ZNF277: variants seen among roughly 807,000 people sequenced by gnomAD.
ZNF277 encodes the protein zinc finger protein 277.
A neutral mutation model predicts 60.7 loss-of-function variants in ZNF277; 55 were observed. That is an observed-to-expected ratio of 0.91 (90% CI 0.73 to 1.13). ZNF277 has a LOEUF of 1.13. ZNF277 is among the 50% of genes most tolerant of loss of function. The pLI, the probability that ZNF277 is intolerant of heterozygous loss-of-function variation, is 0.00. For synonymous variants in ZNF277, 178 were observed against 179.3 expected (o/e 0.99, Z 0.06); for missense variants, 510 against 523.0 (o/e 0.98, Z 0.24).
At chr7:112,223,317 T>A (rs917178284) in intron 1 of ZNF277, among the ~76,000 whole-genome samples, 1 of 152,172 alleles carries the variant, frequency 6.6e-6, no homozygotes, top group African/African-American at 2.4e-5. Context: ...TGTGTCTCCC[T>A]CTGTGTCTTT....
At chr7:112,334,236 G>GT (rs1284656099) in intron 7 of ZNF277, among the ~76,000 whole-genome samples, 1 of 151,978 alleles carries the variant, frequency 6.6e-6, no homozygotes, top group Non-Finnish European at 1.5e-5. Context: ...TTTTTTCCAT[G>GT]TTTTTTTCCA....
chr7:112,333,188 T>G (rs1162968916), intron 7 of ZNF277, among the ~76,000 whole-genome samples: 1 of 152,080 alleles, frequency 6.6e-6, no homozygotes, highest in African/African-American at 2.4e-5. Flanking sequence ...TTGTTATCCC[T>G]CTGAGGGAAA....
rs1400726695 is a variant in ZNF277 at position 112,234,825 on chromosome 7, C to T, written c.91+28018C>T. ...TTAATATCCACTTATATCTAATTTTCATGTTTGTTGTAAGGAAAGCTGAGC... is the reference window on the plus strand; with the variant it reads ...TTAATATCCACTTATATCTAATTTTTATGTTTGTTGTAAGGAAAGCTGAGC... On this transcript the variant is annotated intron_variant, in intron 1 of 11. Transcript: ENST00000361822. Among the ~76,000 whole-genome samples the T allele has an allele frequency of 8.6e-5, 13 of 151,678 alleles. No homozygotes were observed. The South Asian group carries it at 2.7e-3, about 31-fold the overall frequency.
chr7:112,291,962 A>G (rs987345253), intron 2 of ZNF277, among the ~76,000 whole-genome samples: 1 of 152,012 alleles, frequency 6.6e-6, no homozygotes, highest in South Asian at 2.1e-4. Context: ...GTTGTCACCC[A>G]AGTTTTGGTT....
intron 1 of ZNF277, among the ~76,000 whole-genome samples, chr7:112,237,625 A>G (rs1464643172): frequency 6.6e-6 from 1 of 152,258 alleles, no homozygotes; most frequent in South Asian, 2.1e-4. Flanking sequence ...TTCTAAAAAC[A>G]TACAACCTCC....
intron 5 of ZNF277, among the ~76,000 whole-genome samples, chr7:112,322,043 A>T (rs1792995392): frequency 1.3e-5 from 2 of 152,124 alleles, no homozygotes; most frequent in South Asian, 4.1e-4. Flanking sequence ...GAACAAAAAA[A>T]AATAAACAGC....
intron 1 of ZNF277, among the ~76,000 whole-genome samples, chr7:112,221,699 A>G (rs1822035832): frequency 6.6e-6 from 1 of 152,140 alleles, no homozygotes; most frequent in Non-Finnish European, 1.5e-5. Context: ...CCTTGCATGC[A>G]CAGTTCACAG....
chr7:112,339,837 T>A lies in ZNF277; in HGVS notation c.967-6T>A. On this transcript the variant is annotated splice_polypyrimidine_tract_variant and splice_region_variant and intron_variant, in intron 9 of 11. Coordinates refer to ENST00000361822, the MANE Select transcript of ZNF277 (RefSeq NM_021994.3). ...ATGCTTACAGATGTATTCATTCCTTTTTTAGGATGCACACGAATTTGATCT... is the reference window on the plus strand; with the variant it reads ...ATGCTTACAGATGTATTCATTCCTTATTTAGGATGCACACGAATTTGATCT... 1.2e-6 allele frequency: 2 copies of A among 1,612,068 alleles called. No homozygotes were observed. The highest frequency in any genetic ancestry group is 1.7e-6 in the Non-Finnish European group (2 of 1,179,406).
intron 1 of ZNF277, among the ~76,000 whole-genome samples, chr7:112,241,641 A>T (rs1790957400): frequency 6.6e-6 from 1 of 152,144 alleles, no homozygotes; most frequent in Admixed American, 6.6e-5. Flanking sequence ...AGAAAGTGTG[A>T]TACATATACA....
At chr7:112,270,434 A>T (rs1273119503) in intron 1 of ZNF277, among the ~76,000 whole-genome samples, 2 of 152,108 alleles carry the variant, frequency 1.3e-5, no homozygotes, top group Non-Finnish European at 2.9e-5. Flanking sequence ...TGTGTTAAAG[A>T]TCTGTATGTA....
chr7:112,325,674 C>T (rs1044684519), intron 5 of ZNF277, among the ~76,000 whole-genome samples: 1 of 152,168 alleles, frequency 6.6e-6, no homozygotes, highest in Non-Finnish European at 1.5e-5. Flanking sequence ...ATCATGGGGA[C>T]CTTCCTAGTA....
chr7:112,259,273 T>C (rs1791390506), intron 1 of ZNF277, among the ~76,000 whole-genome samples: 1 of 152,216 alleles, frequency 6.6e-6, no homozygotes, highest in African/African-American at 2.4e-5. Flanking sequence ...TGTATTACTC[T>C]GTTGTATATT....
At chr7:112,252,817 T>A (rs977271692) in intron 1 of ZNF277, among the ~76,000 whole-genome samples, 1 of 152,142 alleles carries the variant, frequency 6.6e-6, no homozygotes, top group African/African-American at 2.4e-5. Context: ...CAAAAGATAC[T>A]CAGCATTTCA....
At chr7:112,332,252 T>C (rs1403058514) in intron 7 of ZNF277, among the ~76,000 whole-genome samples, 2 of 152,238 alleles carry the variant, frequency 1.3e-5, no homozygotes, top group Non-Finnish European at 2.9e-5. Context: ...ATTTGAGTAC[T>C]TATAATCTGC....
chr7:112,230,289 T>C (rs1282187235), intron 1 of ZNF277, among the ~76,000 whole-genome samples: 2 of 152,214 alleles, frequency 1.3e-5, no homozygotes, highest in African/African-American at 4.8e-5. Flanking sequence ...GCCGTACTAA[T>C]GTGAGAATGG....
At chr7:112,277,077 AT>A (rs59902516) in intron 1 of ZNF277, among the ~76,000 whole-genome samples, 128 of 104,432 alleles carry the variant, frequency 1.2e-3, no homozygotes, top group Middle Eastern at 6.3e-3. Context: ...GAATCTGTTG[AT>A]TTTTTTTTTT....
intron 1 of ZNF277, among the ~76,000 whole-genome samples, chr7:112,229,898 G>A (rs1822276862): frequency 6.6e-6 from 1 of 152,208 alleles, no homozygotes; most frequent in South Asian, 2.1e-4. Flanking sequence ...CCAAGGATGG[G>A]TATGCCTTCT....
Position 112,208,964 on chromosome 7 carries a change from C to A in ZNF277, c.91+2157C>A, listed in dbSNP as rs569498156. The stretch of plus-strand genomic sequence containing the variant: ...AAAGTGCTGGGATTACAGGCGTAAG[C>A]CACCGCGCCCGGCCTATGATTTGAT... On this transcript the variant is annotated intron_variant, in intron 1 of 11. Coordinates refer to ENST00000361822, the MANE Select transcript of ZNF277 (RefSeq NM_021994.3). Among the ~76,000 whole-genome samples the A allele has an allele frequency of 2.0e-5, 3 of 152,120 alleles. No homozygotes were observed. In the South Asian group the frequency reaches 6.2e-4, roughly 32 times the overall value.
intron 1 of ZNF277, among the ~76,000 whole-genome samples, chr7:112,285,823 G>A (rs6977315): frequency 0.043 from 6,564 of 152,036 alleles, 337 homozygotes; most frequent in African/African-American, 0.13. Context: ...TAAAGTAAGG[G>A]AAAAAAATAG....
Sources: gnomAD v4.1 joint callset for allele counts (sites outside exome capture counted in the v4.1 genomes callset) on GRCh38, gnomAD v4.1.1 for gene constraint, MANE v1.5 for transcripts, NCBI Gene and HGNC (gene_info 2026-07-23, HGNC 2026-07-21) for gene names.